TXNDC11: variants seen among roughly 807,000 people sequenced by gnomAD.
TXNDC11 encodes the protein thioredoxin domain containing 11.
In TXNDC11, 68 loss-of-function variants were observed where a neutral mutation model predicts 78.0. The observed-to-expected ratio is 0.87, with a 90% confidence interval of 0.72 to 1.07. TXNDC11 has a LOEUF of 1.07. Among genes scored for constraint, TXNDC11 ranks in the 50% least tolerant of loss-of-function variants. The probability of loss-of-function intolerance (pLI) is 0.00; values close to 1 mark genes in which losing one functional copy is unlikely to be tolerated. For missense variants in TXNDC11, 1,389 were observed against 1,221.8 expected (o/e 1.14, Z -2.04); for synonymous variants, 571 against 495.2 (o/e 1.15, Z -2.03).
chr16:11,702,888 A>G (rs2051073252), intron 5 of TXNDC11, among the ~76,000 whole-genome samples: 1 of 152,124 alleles, frequency 6.6e-6, no homozygotes, highest in South Asian at 2.1e-4. Context: ...GTATGTCCCT[A>G]CTGCCAGAGT....
At chr16:11,732,746 G>T (rs1295790230) in intron 3 of TXNDC11, among the ~76,000 whole-genome samples, 5 of 152,182 alleles carry the variant, frequency 3.3e-5, no homozygotes, top group Non-Finnish European at 5.9e-5. Flanking sequence ...AATACTATGT[G>T]CCAGACAACA....
At chr16:11,738,198 C>T (rs1007461847) in intron 1 of TXNDC11, among the ~76,000 whole-genome samples, 16 of 152,190 alleles carry the variant, frequency 1.1e-4, no homozygotes, top group African/African-American at 3.9e-4. Flanking sequence ...AGAGTACATG[C>T]ACTATGACTG....
intron 4 of TXNDC11, among the ~76,000 whole-genome samples, chr16:11,722,905 A>G (rs190805157): frequency 1.1e-3 from 173 of 152,280 alleles, no homozygotes; most frequent in African/African-American, 4.0e-3. Context: ...AATCTAAACC[A>G]CTTGCTTGTT....
chr16:11,700,925 A>C (rs1003714946), intron 5 of TXNDC11, among the ~76,000 whole-genome samples: 4 of 151,986 alleles, frequency 2.6e-5, no homozygotes, highest in African/African-American at 9.7e-5. Flanking sequence ...GTCATTACTC[A>C]TCTCAGCTCC....
rs201285036 is a variant in TXNDC11, at chr16:11,703,515, C to CACAT, written c.794-2952_794-2951insATGT. Among the ~76,000 whole-genome samples, 166 of 131,980 alleles carry CACAT rather than the reference C, an allele frequency of 1.3e-3. 2 individuals are homozygous for CACAT. The highest frequency in any genetic ancestry group is 6.4e-3 in the African/African-American group (163 of 25,668). 86.6% of individuals were successfully genotyped at this position (131,980 alleles called of 152,430 possible). A position where few individuals can be genotyped will look rare whatever the true frequency, so the allele number is the denominator to read the frequency against. On this transcript the variant is annotated intron_variant, in intron 5 of 11. Coordinates refer to ENST00000283033, the MANE Select transcript of TXNDC11 (RefSeq NM_015914.7). ...ATAAACTTAAGGCTTTTGATACACA[C>CACAT]ACACACACACACACACACACACACA...
At chr16:11,683,526 T>G (rs2050485847) in intron 11 of TXNDC11, among the ~76,000 whole-genome samples, 2 of 152,012 alleles carry the variant, frequency 1.3e-5, no homozygotes. Context: ...TCTCTGCTGT[T>G]TTGCCCCACA....
At chr16:11,686,190 T>C (rs572272267) in intron 10 of TXNDC11, among the ~76,000 whole-genome samples, 1 of 152,338 alleles carries the variant, frequency 6.6e-6, no homozygotes, top group African/African-American at 2.4e-5. Context: ...ACTCCTGGCC[T>C]CAGGTGATCC....
In TXNDC11 at chr16:11,687,840, A is replaced by T. The variant is rs1183585089; in HGVS notation, c.2153+17T>A. On this transcript the variant is annotated intron_variant, in intron 10 of 11. Coordinates refer to ENST00000283033, the MANE Select transcript of TXNDC11 (RefSeq NM_015914.7). ...ATGGGCATACAGCCCAAAGCGCTGC[A>T]GAAGAGGCCTGCTTACCTTGCCACA... is the stretch of plus-strand genomic sequence containing the variant. The T allele has an allele frequency of 6.4e-7, 1 of 1,567,350 alleles. No homozygotes were observed. The highest frequency in any genetic ancestry group is 1.1e-5 in the South Asian group (1 of 89,754).
chr16:11,721,777 G>A (rs1230580048), intron 4 of TXNDC11, 107 bp from the exon 5 acceptor site: 5 of 601,654 alleles, frequency 8.3e-6, no homozygotes, highest in South Asian at 3.7e-5. Flanking sequence ...AATGCATCTT[G>A]TTGCCTTTCA....
chr16:11,727,169 A>G (rs1262511998), intron 4 of TXNDC11, among the ~76,000 whole-genome samples: 2 of 152,194 alleles, frequency 1.3e-5, no homozygotes, highest in Non-Finnish European at 1.5e-5. Flanking sequence ...AAATATCTAG[A>G]TTAGAGACAA....
At position 11,679,885 on chromosome 16, in the gene TXNDC11, A is replaced by G. The variant is rs769368369; in HGVS notation, c.2235-48T>C. On this transcript the variant is annotated intron_variant, in intron 11 of 11. Coordinates refer to ENST00000283033, the MANE Select transcript of TXNDC11 (RefSeq NM_015914.7). This position sits in a 1 kb window ranked among gnomAD's most constrained non-coding sequence, Gnocchi z 4.6. ...CAAAGACAGGAGTCACACCAACACA[A>G]TGAGTCCAAAAGCAGGCTGTACCTG... 3.1e-5 allele frequency: 47 copies of G among 1,537,316 alleles called. No individual in the cohort carries two copies. In the Admixed American group the frequency reaches 7.9e-4, roughly 26 times the overall value.
intron 5 of TXNDC11, chr16:11,703,734 A>G: frequency 1.4e-6 from 1 of 701,698 alleles, no homozygotes; most frequent in Non-Finnish European, 2.6e-6. Context: ...CCCTTGGAGA[A>G]GAGGTTGATT....
chr16:11,688,648 T>G, intron 8 of TXNDC11: 1 of 476,860 alleles, frequency 2.1e-6, no homozygotes, highest in Non-Finnish European at 3.7e-6. Flanking sequence ...CAGACAGTAA[T>G]GTGGATAACA....
chr16:11,706,363 C>A (rs61528792), intron 5 of TXNDC11, among the ~76,000 whole-genome samples: 5,186 of 152,334 alleles, frequency 0.034, 308 homozygotes, highest in African/African-American at 0.12. Flanking sequence ...TGGCTGCTTG[C>A]TACAGAGGGT....
At chr16:11,688,996 A>G (rs1288976764) in intron 8 of TXNDC11, among the ~76,000 whole-genome samples, 2 of 152,176 alleles carry the variant, frequency 1.3e-5, no homozygotes, top group African/African-American at 4.8e-5. Flanking sequence ...CATAATAATC[A>G]AAAACCTGAT....
At chr16:11,686,892 T>C (rs1031337461) in intron 10 of TXNDC11, among the ~76,000 whole-genome samples, 1 of 152,234 alleles carries the variant, frequency 6.6e-6, no homozygotes, top group East Asian at 1.9e-4. Context: ...AATCTTTCTA[T>C]GTCTCAGTTT....
At chr16:11,720,139 G>A (rs769246769) in intron 5 of TXNDC11, among the ~76,000 whole-genome samples, 9 of 152,108 alleles carry the variant, frequency 5.9e-5, no homozygotes, top group Non-Finnish European at 1.0e-4. Context: ...GACTGAGAGA[G>A]AGCATACAAC....
At chr16:11,738,445 G>A (rs571725363) in intron 1 of TXNDC11, among the ~76,000 whole-genome samples, 2 of 152,312 alleles carry the variant, frequency 1.3e-5, no homozygotes, top group South Asian at 4.1e-4. Flanking sequence ...TTGTCGAGGA[G>A]ACCACTTTCT....
At chr16:11,687,736 A>G in intron 10 of TXNDC11, 121 bp downstream of exon 10, 1 of 678,016 alleles carries the variant, frequency 1.5e-6, no homozygotes, top group Admixed American at 2.3e-5. Context: ...AATTAAATTC[A>G]GCCAAGTCCT....
Sources: allele counts gnomAD v4.1 joint callset (sites outside exome capture counted in the v4.1 genomes callset), GRCh38; gene constraint gnomAD v4.1.1; non-coding constraint Gnocchi (gnomAD v3.1); transcripts MANE v1.5; gene names NCBI Gene and HGNC (gene_info 2026-07-23, HGNC 2026-07-21).